PDGFRA: variants seen among roughly 807,000 people sequenced by gnomAD.
PDGFRA encodes the protein platelet-derived growth factor receptor alpha.
In PDGFRA, 25 loss-of-function variants were observed where a neutral mutation model predicts 121.5. The ratio of observed to expected loss-of-function variants is 0.21; its 90% CI spans 0.15 to 0.29. The LOEUF (loss-of-function observed/expected upper bound fraction) is 0.29. PDGFRA is among the 10% of genes least tolerant of loss of function. PDGFRA has a pLI of 1.00. For synonymous variants in PDGFRA, 463 were observed against 494.8 expected (o/e 0.94, Z 0.85); for missense variants, 1,008 against 1,345.1 (o/e 0.75, Z 3.92).
intron 2 of PDGFRA, among the ~76,000 whole-genome samples, chr4:54,259,602 C>T (rs748757401): frequency 2.1e-4 from 32 of 152,332 alleles, no homozygotes; most frequent in South Asian, 6.2e-4. Flanking sequence ...GAAACCAGTG[C>T]TCTTCTATTC....
At position 54,295,440 on chromosome 4, in the gene PDGFRA, T is replaced by C. The variant is rs972607463; in HGVS notation, c.*168T>C. 3.1e-6 allele frequency: 2 copies of C among 640,182 alleles called. No homozygotes were observed. Among genetic ancestry groups the C allele is most frequent in the African/African-American group, 1.8e-5 (1 of 55,376 alleles). 39.7% of individuals were successfully genotyped at this position (640,182 alleles called of 1,614,324 possible). A position where few individuals can be genotyped will look rare whatever the true frequency, so the allele number is the denominator to read the frequency against. On this transcript the variant is annotated 3_prime_UTR_variant, in exon 23 of 23. Transcript: ENST00000257290. ...GTTCTAAATATGAATGAATGGGATA[T>C]TTTGAAATGAACTTTGTCAGTGTTG...
At chr4:54,283,059 T>C (rs1192272197) in intron 16 of PDGFRA, among the ~76,000 whole-genome samples, 2 of 152,206 alleles carry the variant, frequency 1.3e-5, no homozygotes, top group South Asian at 2.1e-4. Flanking sequence ...GGGGCTGTTG[T>C]CGAGTGCCTG....
intron 12 of PDGFRA, 91 bp from the exon 13 acceptor site, chr4:54,277,297 C>T: frequency 2.3e-6 from 2 of 869,946 alleles, no homozygotes; most frequent in South Asian, 1.3e-5. Flanking sequence ...GACACTCGCC[C>T]AGCTGTCCGC....
chr4:54,293,853 G>A (rs1364604200), intron 22 of PDGFRA, among the ~76,000 whole-genome samples: 1 of 151,854 alleles, frequency 6.6e-6, no homozygotes, highest in East Asian at 1.9e-4. Context: ...ATGGCCCTTG[G>A]ACAGAGGTAG....
intron 1 of PDGFRA, among the ~76,000 whole-genome samples, chr4:54,251,564 A>G (rs1219205048): frequency 1.3e-5 from 2 of 152,236 alleles, no homozygotes; most frequent in African/African-American, 4.8e-5. Flanking sequence ...TTTCAGATAC[A>G]AACAGACTGC....
chr4:54,251,281 TTC>T (rs1308721776), intron 1 of PDGFRA, among the ~76,000 whole-genome samples: 1 of 152,182 alleles, frequency 6.6e-6, no homozygotes, highest in Non-Finnish European at 1.5e-5. Context: ...TGCATATCCT[TTC>T]TGTTTTGCTT....
At chr4:54,244,658 C>T (rs142226537) in intron 1 of PDGFRA, among the ~76,000 whole-genome samples, 10,108 of 152,242 alleles carry the variant, frequency 0.066, 366 homozygotes, top group East Asian at 0.13. Flanking sequence ...AAAAGCAGAG[C>T]GCCTCTCCTC....
At chr4:54,253,769 C>T (rs1286549663) in intron 1 of PDGFRA, among the ~76,000 whole-genome samples, 1 of 152,186 alleles carries the variant, frequency 6.6e-6, no homozygotes, top group Admixed American at 6.5e-5. Flanking sequence ...ACTGCAACCT[C>T]TGCCTCCTGG....
chr4:54,283,174 C>CT (rs1481886607), intron 16 of PDGFRA, among the ~76,000 whole-genome samples: 1 of 152,202 alleles, frequency 6.6e-6, no homozygotes, highest in Non-Finnish European at 1.5e-5. Context: ...AGTGGAGACT[C>CT]TGTGTGGGGA....
At chr4:54,285,539 G>T in intron 17 of PDGFRA, 53 bp downstream of exon 17, 1 of 836,332 alleles carries the variant, frequency 1.2e-6, no homozygotes, top group Non-Finnish European at 2.1e-6. Flanking sequence ...TGAGTGGAGT[G>T]TGGACGGAGA....
rs559947792 is a variant in PDGFRA, at chr4:54,258,664, A to C, written c.-12-93A>C. 2.3e-3 allele frequency: 1,897 copies of C among 821,554 alleles called. 5 individuals carry two copies. Among genetic ancestry groups the C allele is most frequent in the Non-Finnish European group, 2.9e-3 (1,334 of 457,636 alleles). The allele number at this position is 821,554 out of a possible 1,614,324, so 50.9% of individuals were successfully genotyped here. On this transcript the variant is annotated intron_variant, in intron 1 of 22. Coordinates refer to ENST00000257290, the MANE Select transcript of PDGFRA (RefSeq NM_006206.6). ...CATGTTTGACTAAAATGATGCTGTTAATATTTTCTGTTGTGCAAAACACAA... is the reference window on the plus strand; with the variant it reads ...CATGTTTGACTAAAATGATGCTGTTCATATTTTCTGTTGTGCAAAACACAA...
At chr4:54,242,843 A>G (rs1389074241) in intron 1 of PDGFRA, among the ~76,000 whole-genome samples, 1 of 152,208 alleles carries the variant, frequency 6.6e-6, no homozygotes. Context: ...TGGAACCCCA[A>G]GAGCTGTAAG....
intron 20 of PDGFRA, 37 bp from the exon 21 acceptor site, chr4:54,288,972 T>C (rs770140364): frequency 3.3e-6 from 5 of 1,516,788 alleles, no homozygotes; most frequent in Admixed American, 1.7e-5. Context: ...GCCCTGAGAC[T>C]TCCCCCTGTG....
At chr4:54,235,037 G>C (rs571821161) in intron 1 of PDGFRA, among the ~76,000 whole-genome samples, 28 of 152,138 alleles carry the variant, frequency 1.8e-4, no homozygotes, top group Non-Finnish European at 3.5e-4. Context: ...CAGAGGTCCT[G>C]GTAAACACAC....
chr4:54,248,711 A>G (rs1721851565), intron 1 of PDGFRA, among the ~76,000 whole-genome samples: 1 of 152,222 alleles, frequency 6.6e-6, no homozygotes, highest in Non-Finnish European at 1.5e-5. Context: ...GCCAAAATTG[A>G]CAAATGGGAT....
At chr4:54,293,154 A>G (rs992237733) in intron 22 of PDGFRA, among the ~76,000 whole-genome samples, 1 of 152,170 alleles carries the variant, frequency 6.6e-6, no homozygotes, top group African/African-American at 2.4e-5. Flanking sequence ...GCCCTCTTAC[A>G]TATTATTTGT....
In PDGFRA at chr4:54,288,805, C is replaced by A. The variant is rs1194156035; in HGVS notation, c.2681C>A (p.Thr894Asn). ...TTTATTGTTTGGCTTTTAGGTGGCA[C>A]CCCTTACCCCGGCATGATGGTGGAT... Reference protein sequence around the residue: ...LLWEIFSLGGTPYPGMMVDST... With the variant: ...LLWEIFSLGGNPYPGMMVDST... Residue 894 changes from threonine (T) to asparagine (N), a missense_variant, in exon 20 of 23, where the codon ACC (threonine) becomes AAC (asparagine). This residue lies in a region of PDGFRA where 40 missense variants were observed against 127.4 expected (regional missense o/e 0.31). Coordinates refer to ENST00000257290, the MANE Select transcript of PDGFRA (RefSeq NM_006206.6). 2 of 1,606,608 alleles carry A rather than the reference C, an allele frequency of 1.2e-6. No homozygotes were observed. Among genetic ancestry groups the A allele is most frequent in the East Asian group, 2.2e-5 (1 of 44,840 alleles).
intron 19 of PDGFRA, among the ~76,000 whole-genome samples, chr4:54,287,971 T>C (rs1006277659): frequency 6.6e-6 from 1 of 152,174 alleles, no homozygotes; most frequent in Non-Finnish European, 1.5e-5. Flanking sequence ...CTCTCATTCC[T>C]GGTTGTCATT....
rs1402346391 is a variant in PDGFRA at position 54,297,782 on chromosome 4, G to C, written c.*2510G>C. On this transcript the variant is annotated 3_prime_UTR_variant, in exon 23 of 23. Transcript: ENST00000257290. ...TTATGATGACAATCAAAGCCGGCCT[G>C]AGAAACACTATTTGTGACTTTTTAA... The C allele has an allele frequency of 1.3e-5, 3 of 233,516 alleles. No homozygotes were observed. The East Asian group carries it at 1.8e-4, about 14-fold the overall frequency. The allele number at this position is 233,516 out of a possible 1,614,324, so 14.5% of individuals were successfully genotyped here.
Sources: gnomAD v4.1 joint callset for allele counts (sites outside exome capture counted in the v4.1 genomes callset) on GRCh38, gnomAD v4.1.1 for gene constraint, gnomAD v4.1.1 regional missense constraint, MANE v1.5 for transcripts, NCBI Gene and HGNC (gene_info 2026-07-23, HGNC 2026-07-21) for gene names.